SKIC3: variants seen among roughly 807,000 people sequenced by gnomAD.
SKIC3 encodes the protein SKI3 subunit of superkiller complex.
chr5:95,472,352 A>T, the SKIC3 span, among the ~76,000 whole-genome samples: 261 of 152,324 alleles, frequency 1.7e-3, 2 homozygotes, highest in African/African-American at 6.0e-3. Context: ...ACATGGGATC[A>T]CTTTCTAAAA....
chr5:95,545,025 G>A, the SKIC3 span, among the ~76,000 whole-genome samples: 1 of 152,078 alleles, frequency 6.6e-6, no homozygotes, highest in Non-Finnish European at 1.5e-5. Flanking sequence ...TAGTAATCAG[G>A]CATTTATAAC....
the SKIC3 span, among the ~76,000 whole-genome samples, chr5:95,468,834 A>G: frequency 2.0e-5 from 3 of 152,162 alleles, no homozygotes; most frequent in Non-Finnish European, 4.4e-5. Context: ...GGTGAAGGGG[A>G]GATAGTACTC....
At chr5:95,525,269 A>T in the SKIC3 span, 1 of 869,756 alleles carries the variant, frequency 1.1e-6, no homozygotes, top group East Asian at 2.5e-5. Context: ...TAAAATACTA[A>T]AACTTAAAGC....
At chr5:95,490,798 T>C in the SKIC3 span, 2 of 1,425,940 alleles carry the variant, frequency 1.4e-6, no homozygotes, top group African/African-American at 1.4e-5. Context: ...ATGCCCGGCC[T>C]AATGAATATA....
chr5:95,478,514 C>A, the SKIC3 span: 24 of 1,587,096 alleles, frequency 1.5e-5, no homozygotes, highest in Middle Eastern at 1.7e-4. Flanking sequence ...CTACTTCCAA[C>A]AAATTCAATA....
the SKIC3 span, among the ~76,000 whole-genome samples, chr5:95,494,507 A>C: frequency 6.6e-6 from 1 of 152,158 alleles, no homozygotes; most frequent in Admixed American, 6.5e-5. Flanking sequence ...TACATAGTGC[A>C]AAGTACTTTA....
the SKIC3 span, chr5:95,494,766 G>C: frequency 1.2e-6 from 2 of 1,613,638 alleles, no homozygotes; most frequent in Non-Finnish European, 1.7e-6. Context: ...ATAGCCAACT[G>C]ATTTACCGCA....
At chr5:95,469,268 G>A in the SKIC3 span, among the ~76,000 whole-genome samples, 1 of 152,048 alleles carries the variant, frequency 6.6e-6, no homozygotes, top group Non-Finnish European at 1.5e-5. Flanking sequence ...CATAAACATT[G>A]CTATAGAATT....
At chr5:95,495,088 TA>T in the SKIC3 span, 1 of 1,480,372 alleles carries the variant, frequency 6.8e-7, no homozygotes, top group South Asian at 1.1e-5. Context: ...TTAAGATTGA[TA>T]AGACCTTTCC....
the SKIC3 span, among the ~76,000 whole-genome samples, chr5:95,518,418 G>A: frequency 3.9e-5 from 6 of 151,922 alleles, no homozygotes; most frequent in Non-Finnish European, 7.4e-5. Context: ...CCTATCTAGC[G>A]TAATTTTGTG....
At chr5:95,495,625 G>A in the SKIC3 span, 1 of 152,576 alleles carries the variant, frequency 6.6e-6, no homozygotes, top group Non-Finnish European at 1.5e-5. Flanking sequence ...TTAGAGTCGA[G>A]TAACAATGGT....
the SKIC3 span, among the ~76,000 whole-genome samples, chr5:95,493,973 G>A: frequency 6.6e-6 from 1 of 152,050 alleles, no homozygotes; most frequent in Non-Finnish European, 1.5e-5. Context: ...AGTTAGCTCA[G>A]GTGAGGCCAT....
At chr5:95,541,515 T>C in the SKIC3 span, 2 of 855,918 alleles carry the variant, frequency 2.3e-6, no homozygotes, top group Admixed American at 2.4e-5. Context: ...GAACATATCT[T>C]CTTTCATACT....
At chr5:95,506,148 T>A in the SKIC3 span, among the ~76,000 whole-genome samples, 1 of 152,176 alleles carries the variant, frequency 6.6e-6, no homozygotes, top group African/African-American at 2.4e-5. Context: ...ACTTTTAAAT[T>A]TAACAGTTTA....
chr5:95,511,460 T>C, the SKIC3 span, among the ~76,000 whole-genome samples: 2 of 152,112 alleles, frequency 1.3e-5, no homozygotes, highest in African/African-American at 4.8e-5. Flanking sequence ...GATCCATGCC[T>C]TCACATGCCA....
chr5:95,553,058 G>A, the SKIC3 span, among the ~76,000 whole-genome samples: 1 of 152,176 alleles, frequency 6.6e-6, no homozygotes, highest in Non-Finnish European at 1.5e-5. Context: ...CATCACTGGA[G>A]ATGAAAAAGC....
the SKIC3 span, among the ~76,000 whole-genome samples, chr5:95,547,489 A>C: frequency 4.7e-4 from 71 of 152,008 alleles, no homozygotes; most frequent in Admixed American, 1.0e-3. Flanking sequence ...TATTCTACTT[A>C]TTTATCCTGT....
chr5:95,510,534 TG>T, the SKIC3 span, among the ~76,000 whole-genome samples: 1 of 152,230 alleles, frequency 6.6e-6, no homozygotes, highest in African/African-American at 2.4e-5. Context: ...CTGCACTTGA[TG>T]GATCAGCTGG....
the SKIC3 span, chr5:95,523,072 CCAAT>C: frequency 7.9e-7 from 1 of 1,267,246 alleles, no homozygotes; most frequent in Non-Finnish European, 1.1e-6. Flanking sequence ...ACAATAAACA[CCAAT>C]CAATCATAAA....
Sources: allele counts gnomAD v4.1 joint callset (sites outside exome capture counted in the v4.1 genomes callset), GRCh38; gene constraint gnomAD v4.1.1; transcripts MANE v1.5; gene names NCBI Gene and HGNC (gene_info 2026-07-23, HGNC 2026-07-21).